Variants in BICD2 observed in about 807,000 individuals in gnomAD.
BICD2 encodes BICD cargo adaptor 2, also known as protein bicaudal D homolog 2.
A neutral mutation model predicts 72.9 loss-of-function variants in BICD2; 25 were observed. The ratio of observed to expected loss-of-function variants is 0.34; its 90% CI spans 0.25 to 0.48. The LOEUF is 0.48. BICD2 is among the 20% of genes least tolerant of loss of function. BICD2 has a pLI of 0.99. For missense variants in BICD2, 894 were observed against 1,175.2 expected (o/e 0.76, Z 3.50); for synonymous variants, 501 against 516.1 (o/e 0.97, Z 0.40).
rs1464723789 is a variant in BICD2, at chr9:92,722,739, C to T, written c.523G>A (p.Ala175Thr). The change falls in exon 3 of 7, where the codon GCT (alanine) becomes ACT (threonine). Residue 175 changes from alanine to threonine, a missense_variant. Ala to Thr is a moderately conservative substitution (Grantham distance 58, BLOSUM62 0). Transcript: ENST00000356884. ...DDIKEYKFRE[A>T]RLLQDYSELE... ...TCCGAGTAGTCCTGCAGCAGACGAG[C>T]TTCCCGGAATTTGTACTCCTTGATG... 3.1e-6 allele frequency: 5 copies of T among 1,614,242 alleles called. No homozygotes were observed. The highest frequency in any genetic ancestry group is 3.4e-6 in the Non-Finnish European group (4 of 1,180,044).
intron 2 of BICD2, among the ~76,000 whole-genome samples, chr9:92,724,346 G>A (rs573082909): frequency 6.6e-6 from 1 of 152,174 alleles, no homozygotes; most frequent in Admixed American, 6.5e-5. Flanking sequence ...AAATGAAATA[G>A]GACATCCCTC....
At position 92,764,649 on chromosome 9, in the gene BICD2, C is replaced by A. The variant is rs1339935700; in HGVS notation, c.96G>T (p.Glu32Asp). The A allele has an allele frequency of 1.9e-6, 3 of 1,592,604 alleles. No homozygotes were observed. Among genetic ancestry groups the A allele is most frequent in the Non-Finnish European group, 2.6e-6 (3 of 1,171,742 alleles). ...LRAEVKRLSHELAETTREKIQ... is the reference protein window; with the variant it reads ...LRAEVKRLSHDLAETTREKIQ... The stretch of plus-strand genomic sequence containing the variant: ...TCTTCTCACGCGTGGTCTCGGCCAG[C>A]TCGTGGGACAGCCGCTTCACCTCGG... Residue 32 changes from glutamate (E) to aspartate (D), a missense_variant, in exon 1 of 7, where the codon GAG becomes GAT. Coordinates refer to ENST00000356884, the MANE Select transcript of BICD2 (RefSeq NM_001003800.2). The surrounding 1 kb of genome is among the most constrained non-coding windows in gnomAD (Gnocchi z 5.5).
rs377154799 is a variant in BICD2 at position 92,717,985 on chromosome 9, C to T, written c.2107-37G>A. ...ATGTGTAGGGTGGAAAAGTGAAAGG[C>T]GTGAAGTCAGCCTAGAGGTGCTCTG... On this transcript the variant is annotated intron_variant, in intron 5 of 6. Coordinates refer to ENST00000356884, the MANE Select transcript of BICD2 (RefSeq NM_001003800.2). The T allele has an allele frequency of 1.9e-4, 305 of 1,602,026 alleles. 1 individual carries two copies. The African/African-American group carries it at 3.3e-3, about 18-fold the overall frequency.
At position 92,714,773 on chromosome 9, in the gene BICD2, T is replaced by G; in HGVS notation, c.*381A>C. ...GACACATGCGAGGAACATGCAAGTC[T>G]CAACTCAGGTTCTGCCCCTTTTGGG... On this transcript the variant is annotated 3_prime_UTR_variant, in exon 7 of 7. Transcript: ENST00000356884. The G allele has an allele frequency of 1.9e-6, 2 of 1,027,302 alleles. No homozygotes were observed. Among genetic ancestry groups the G allele is most frequent in the Non-Finnish European group, 2.3e-6 (2 of 857,930 alleles). The allele number at this position is 1,027,302 out of a possible 1,614,324, so 63.6% of individuals were successfully genotyped here.
chr9:92,746,802 G>A (rs1341757910), intron 1 of BICD2, among the ~76,000 whole-genome samples: 1 of 152,176 alleles, frequency 6.6e-6, no homozygotes, highest in East Asian at 1.9e-4. Context: ...GCTGCTGGGT[G>A]GACAGGAAGA....
Position 92,720,384 on chromosome 9 carries a change from TGCGAGGCCCTCCTTCTTGG to T in BICD2, c.959_977del (p.Pro320HisfsTer23). The T allele has an allele frequency of 6.2e-7, 1 of 1,613,982 alleles. No homozygotes were observed. Among genetic ancestry groups the T allele is most frequent in the Non-Finnish European group, 8.5e-7 (1 of 1,180,010 alleles). ...CGGAGACGAGGCTGGGGGAGGGCGG[TGCGAGGCCCTCCTTCTTGG>T]GCGTGGAGGTCTTGTTGTCCAGTGG... On this transcript the variant is annotated frameshift_variant, in exon 4 of 7. Transcript: ENST00000356884. LOFTEE classifies it high-confidence loss of function. This position sits in a 1 kb window ranked among gnomAD's most constrained non-coding sequence, Gnocchi z 5.4.
At chr9:92,745,681 C>T (rs1199820048) in intron 1 of BICD2, among the ~76,000 whole-genome samples, 1 of 152,220 alleles carries the variant, frequency 6.6e-6, no homozygotes, top group Non-Finnish European at 1.5e-5. Context: ...TCACAGTTTG[C>T]ACCAATGTAA....
intron 1 of BICD2, among the ~76,000 whole-genome samples, chr9:92,752,981 G>A (rs1854180904): frequency 6.6e-6 from 1 of 152,182 alleles, no homozygotes; most frequent in Admixed American, 6.5e-5. Flanking sequence ...TAACTTTAGA[G>A]TGGCGGTCAG....
At chr9:92,730,573 C>G (rs1853659823) in intron 1 of BICD2, among the ~76,000 whole-genome samples, 3 of 152,212 alleles carry the variant, frequency 2.0e-5, no homozygotes, top group Admixed American at 2.0e-4. Context: ...ATTGATCTTA[C>G]AGCACTGTGA....
Position 92,715,106 on chromosome 9 carries a change from G to C in BICD2, c.*48C>G, listed in dbSNP as rs1159309106. The C allele has an allele frequency of 3.3e-6, 5 of 1,531,736 alleles. No homozygotes were observed. The South Asian group carries it at 5.1e-5, about 16-fold the overall frequency. The allele number at this position is 1,531,736 out of a possible 1,614,324, so 94.9% of individuals were successfully genotyped here. On this transcript the variant is annotated 3_prime_UTR_variant, in exon 7 of 7. Coordinates refer to ENST00000356884, the MANE Select transcript of BICD2 (RefSeq NM_001003800.2). ...CCGCCGTCCCGCTGCTGCTGGGTTA[G>C]TTGAGGTGAAGCAGATGTTAGCTGC... is the stretch of plus-strand genomic sequence containing the variant.
At position 92,758,711 on chromosome 9, in the gene BICD2, G is replaced by A. The variant is rs555712367; in HGVS notation, c.240+5794C>T. Among the ~76,000 whole-genome samples the A allele has an allele frequency of 6.5e-4, 99 of 151,806 alleles. 1 individual carries two copies. The highest frequency in any genetic ancestry group is 6.6e-4 in the Non-Finnish European group (45 of 67,938). On this transcript the variant is annotated intron_variant, in intron 1 of 6. Transcript: ENST00000356884. ...ACTAAAAATACAAAAAAAATTAGCC[G>A]GGCATGGTGGCACATGCCTATAATC... is the stretch of plus-strand genomic sequence containing the variant.
At chr9:92,717,065 G>A (rs536158732) in intron 6 of BICD2, among the ~76,000 whole-genome samples, 3 of 152,356 alleles carry the variant, frequency 2.0e-5, no homozygotes, top group East Asian at 3.9e-4. Flanking sequence ...CTCCAGCCAG[G>A]AGGATAATCT....
intron 1 of BICD2, among the ~76,000 whole-genome samples, chr9:92,755,054 C>T (rs1269174442): frequency 1.3e-5 from 2 of 152,188 alleles, no homozygotes; most frequent in Non-Finnish European, 2.9e-5. Context: ...GGAGAAATAT[C>T]ACTGAATTCT....
chr9:92,713,290 A>T lies in BICD2; in HGVS notation c.*1864T>A. On this transcript the variant is annotated 3_prime_UTR_variant, in exon 7 of 7. Coordinates refer to ENST00000356884, the MANE Select transcript of BICD2 (RefSeq NM_001003800.2). ...CATTAAAGCTTTTTTTCCTCCCATTAAAAACCTGGGGAATGCTATTTTGAA... is the reference window on the plus strand; with the variant it reads ...CATTAAAGCTTTTTTTCCTCCCATTTAAAACCTGGGGAATGCTATTTTGAA... 1.3e-6 allele frequency: 1 copy of T among 768,364 alleles called. No homozygotes were observed. The highest frequency in any genetic ancestry group is 2.1e-6 in the Non-Finnish European group (1 of 474,860). 47.6% of individuals were successfully genotyped at this position (768,364 alleles called of 1,614,324 possible). A position where few individuals can be genotyped will look rare whatever the true frequency, so the allele number is the denominator to read the frequency against.
rs191037681 is a variant in BICD2, at chr9:92,732,867, A to G, written c.241-3631T>C. Among the ~76,000 whole-genome samples the G allele has an allele frequency of 2.0e-3, 303 of 152,364 alleles. 1 individual carries two copies. Among genetic ancestry groups the G allele is most frequent in the Non-Finnish European group, 3.8e-3 (261 of 68,040 alleles). The stretch of plus-strand genomic sequence containing the variant: ...ATGGAAATCTTTATCTACATGGAAG[A>G]AATGATAATTAAATAGGCAAATATA... On this transcript the variant is annotated intron_variant, in intron 1 of 6. Transcript: ENST00000356884.
intron 6 of BICD2, among the ~76,000 whole-genome samples, chr9:92,716,125 C>A (rs1164590939): frequency 2.0e-5 from 3 of 152,118 alleles, no homozygotes; most frequent in African/African-American, 7.2e-5. Flanking sequence ...AATCCCAGGG[C>A]TCCCAGGGCG....
At chr9:92,719,664 A>G in intron 4 of BICD2, 82 bp from the exon 5 acceptor site, 1 of 1,409,614 alleles carries the variant, frequency 7.1e-7, no homozygotes, top group Non-Finnish European at 9.4e-7. Context: ...TGGCCTAGTG[A>G]CATCCCACCC....
At chr9:92,742,315 A>AC (rs944505128) in intron 1 of BICD2, among the ~76,000 whole-genome samples, 1 of 152,202 alleles carries the variant, frequency 6.6e-6, no homozygotes, top group African/African-American at 2.4e-5. Flanking sequence ...TTTAAAGTGT[A>AC]CCATTCAGTG....
At chr9:92,738,347 T>C (rs568105251) in intron 1 of BICD2, among the ~76,000 whole-genome samples, 7 of 152,290 alleles carry the variant, frequency 4.6e-5, no homozygotes, top group Admixed American at 1.3e-4. Context: ...TGCCACAAGA[T>C]TGGTCCCTGA....
Sources: allele counts gnomAD v4.1 joint callset (sites outside exome capture counted in the v4.1 genomes callset), GRCh38; gene constraint gnomAD v4.1.1; non-coding constraint Gnocchi (gnomAD v3.1); transcripts MANE v1.5; gene names NCBI Gene and HGNC (gene_info 2026-07-23, HGNC 2026-07-21).